The following NR1I2 variants were observed in gnomAD, a reference collection of about 807,000 sequenced individuals.
NR1I2 encodes the protein orphan nuclear receptor PAR1.
In NR1I2, 42 loss-of-function variants were observed where a neutral mutation model predicts 43.3. The observed-to-expected ratio is 0.97, with a 90% CI of 0.76 to 1.26. The LOEUF (loss-of-function observed/expected upper bound fraction) is 1.26, where lower values mean the gene tolerates loss of function less well. NR1I2 is among the 50% of genes most tolerant of loss of function. The pLI, the probability that NR1I2 is intolerant of heterozygous loss-of-function variation, is 0.00. For synonymous variants in NR1I2, 229 were observed against 215.0 expected, an observed-to-expected ratio of 1.06 and a Z score of -0.57; for missense variants, 559 against 566.7, an observed-to-expected ratio of 0.99 and a Z score of 0.14.
At chr3:119,806,601 G>A (rs2055165052) in intron 1 of NR1I2, among the ~76,000 whole-genome samples, 2 of 152,118 alleles carry the variant, frequency 1.3e-5, no homozygotes, top group Non-Finnish European at 2.9e-5. Flanking sequence ...TCTATTAATA[G>A]GCACAAGTTC....
chr3:119,785,545 G>A (rs2054832325), intron 1 of NR1I2, among the ~76,000 whole-genome samples: 1 of 152,196 alleles, frequency 6.6e-6, no homozygotes, highest in African/African-American at 2.4e-5. Flanking sequence ...TTTCTACTGA[G>A]GATGTCACCC....
At chr3:119,813,941 T>A (rs1438650348) in intron 5 of NR1I2, among the ~76,000 whole-genome samples, 1 of 152,132 alleles carries the variant, frequency 6.6e-6, no homozygotes, top group East Asian at 1.9e-4. Context: ...CATTCTCAGA[T>A]AGAAACTGAA....
At position 119,815,063 on chromosome 3, in the gene NR1I2, C is replaced by G; in HGVS notation, c.879C>G (p.Asn293Lys). 6.2e-7 allele frequency: 1 copy of G among 1,614,130 alleles called. No homozygotes were observed. The highest frequency in any genetic ancestry group is 1.1e-5 in the South Asian group (1 of 91,074). Reference sequence around the variant, plus strand: ...AACTGAGATTCAACACAGTGTTCAACGCGGAGACTGGAACCTGGGAGTGTG... The same window carrying G: ...AACTGAGATTCAACACAGTGTTCAAGGCGGAGACTGGAACCTGGGAGTGTG... The change falls in exon 6 of 9, where the codon AAC becomes AAG. Residue 293 changes from asparagine (N) to lysine (K), a missense_variant. Asn to Lys is a moderately conservative substitution (Grantham distance 94, BLOSUM62 0). Coordinates refer to ENST00000393716, the MANE Select transcript of NR1I2 (RefSeq NM_003889.4).
intron 4 of NR1I2, 68 bp downstream of exon 4, chr3:119,811,794 C>A: frequency 6.9e-7 from 1 of 1,447,406 alleles, no homozygotes; most frequent in Non-Finnish European, 9.5e-7. Flanking sequence ...AACTGAGGTT[C>A]CCCAAGGATA....
intron 1 of NR1I2, among the ~76,000 whole-genome samples, chr3:119,790,018 G>A (rs564458431): frequency 1.7e-4 from 26 of 152,054 alleles, no homozygotes; most frequent in African/African-American, 4.6e-4. Context: ...TGTTTTCATC[G>A]TTGTGCAGCC....
intron 3 of NR1I2, chr3:119,811,155 C>G: frequency 5.3e-6 from 1 of 188,068 alleles, no homozygotes; most frequent in Non-Finnish European, 1.1e-5. Context: ...ACGGTTTCTC[C>G]GGATCACAAA....
chr3:119,807,491 C>A, intron 2 of NR1I2, 44 bp downstream of exon 2: 1 of 1,541,312 alleles, frequency 6.5e-7, no homozygotes, highest in Non-Finnish European at 9.0e-7. Flanking sequence ...ACCACTGACC[C>A]ACTGGGTAAC....
chr3:119,794,043 T>C (rs2054960177), intron 1 of NR1I2, among the ~76,000 whole-genome samples: 1 of 152,196 alleles, frequency 6.6e-6, no homozygotes, highest in South Asian at 2.1e-4. Context: ...AGGGTCTCAC[T>C]CTGTCACCCA....
chr3:119,787,301 AG>A (rs1455085617), intron 1 of NR1I2, among the ~76,000 whole-genome samples: 4 of 151,832 alleles, frequency 2.6e-5, no homozygotes, highest in Middle Eastern at 6.8e-3. Context: ...AAAAAAAAAA[AG>A]TTCCGTCATT....
rs115236985 is a variant in NR1I2, at chr3:119,797,307, A to T, written c.-22-9922A>T. On this transcript the variant is annotated intron_variant, in intron 1 of 8. Transcript: ENST00000393716. The stretch of plus-strand genomic sequence containing the variant: ...TATACTGAAAATCAGCATTCACAGA[A>T]AGGAAATGGCCTCATGAGGAAGCAG... 4.9e-3 allele frequency among the ~76,000 whole-genome samples: 740 copies of T among 151,914 alleles called. 5 individuals are homozygous for T. The highest frequency in any genetic ancestry group is 0.017 in the African/African-American group (712 of 41,384).
intron 2 of NR1I2, among the ~76,000 whole-genome samples, chr3:119,808,204 G>T (rs1436290918): frequency 6.6e-6 from 1 of 152,220 alleles, no homozygotes; most frequent in African/African-American, 2.4e-5. Flanking sequence ...AAGGCCTCCA[G>T]GTTAGTGAGT....
chr3:119,806,554 G>A (rs763227006), intron 1 of NR1I2, among the ~76,000 whole-genome samples: 2 of 152,156 alleles, frequency 1.3e-5, no homozygotes, highest in South Asian at 2.1e-4. Context: ...CCAAAGCCCC[G>A]GGATTACAGG....
At position 119,812,826 on chromosome 3, in the gene NR1I2, CA is replaced by C. The variant is rs1296417408; in HGVS notation, c.661del (p.Ser221ValfsTer56). The C allele has an allele frequency of 1.9e-6, 3 of 1,614,222 alleles. No homozygotes were observed. The highest frequency in any genetic ancestry group is 1.7e-6 in the Non-Finnish European group (2 of 1,180,032). ...CTCTGCAGCTGCGGGGGGAGGATGG[CA>C]GTGTCTGGAACTACAAACCCCCAGC... On this transcript the variant is annotated frameshift_variant, in exon 5 of 9. Coordinates refer to ENST00000393716, the MANE Select transcript of NR1I2 (RefSeq NM_003889.4). LOFTEE classifies it high-confidence loss of function.
chr3:119,805,600 G>A (rs1373217139), intron 1 of NR1I2, among the ~76,000 whole-genome samples: 2 of 151,864 alleles, frequency 1.3e-5, no homozygotes, highest in Non-Finnish European at 2.9e-5. Flanking sequence ...CTACTCAAGA[G>A]GCAGAGGCAG....
At chr3:119,796,744 C>T (rs924573919) in intron 1 of NR1I2, among the ~76,000 whole-genome samples, 8 of 152,240 alleles carry the variant, frequency 5.3e-5, no homozygotes, top group Non-Finnish European at 1.2e-4. Flanking sequence ...TGGCATCTGC[C>T]TTTCTGGTTC....
chr3:119,792,027 C>T (rs2054926985), intron 1 of NR1I2: 6 of 716,200 alleles, frequency 8.4e-6, no homozygotes, highest in South Asian at 1.5e-5. Flanking sequence ...CTTTGACCAC[C>T]GTTCTCAACC....
chr3:119,799,861 T>A (rs2055053016), intron 1 of NR1I2, among the ~76,000 whole-genome samples: 1 of 151,970 alleles, frequency 6.6e-6, no homozygotes, highest in Non-Finnish European at 1.5e-5. Context: ...GCACCTGTAA[T>A]CCCAGCTACT....
rs560274380 is a variant in NR1I2 at position 119,783,363 on chromosome 3, A to G, written c.-23+1063A>G. 5.2e-4 allele frequency among the ~76,000 whole-genome samples: 79 copies of G among 151,966 alleles called. No homozygotes were observed. In the Middle Eastern group the frequency reaches 0.01, roughly 20 times the overall value. On this transcript the variant is annotated intron_variant, in intron 1 of 8. Transcript: ENST00000393716. ...TATTGTATATGGCTGTTTTTGCCCT[A>G]CAACATCCTTTCAACTCTGGCCATA...
chr3:119,816,776 G>A (rs1010070199), intron 8 of NR1I2, among the ~76,000 whole-genome samples: 7 of 151,062 alleles, frequency 4.6e-5, no homozygotes, highest in East Asian at 1.9e-4. Context: ...GTCCATGATC[G>A]TGCCATCATG....
Sources: gnomAD v4.1 joint callset for allele counts (sites outside exome capture counted in the v4.1 genomes callset) on GRCh38, gnomAD v4.1.1 for gene constraint, MANE v1.5 for transcripts, NCBI Gene and HGNC (gene_info 2026-07-23, HGNC 2026-07-21) for gene names.